Variants in DOCK6 observed in about 807,000 individuals in gnomAD.
DOCK6 encodes dedicator of cytokinesis protein 6.
A neutral mutation model predicts 230.3 loss-of-function variants in DOCK6; 167 were observed. The ratio of observed to expected loss-of-function variants is 0.73; its 90% confidence interval spans 0.64 to 0.82. The LOEUF is 0.82. Ranked by LOEUF, DOCK6 falls within the 40% of genes least tolerant of loss-of-function variation. DOCK6 has a pLI of 0.00. For synonymous variants in DOCK6, 1,148 were observed against 1,185.0 expected, an observed-to-expected ratio of 0.97 and a Z score of 0.64; for missense variants, 2,598 against 2,825.8, an observed-to-expected ratio of 0.92 and a Z score of 1.83.
intron 29 of DOCK6, 51 bp downstream of exon 29, chr19:11,217,180 T>A (rs1334269391): frequency 6.2e-7 from 1 of 1,600,064 alleles, no homozygotes; most frequent in South Asian, 1.1e-5. Context: ...GATACATGAC[T>A]TCTCTCATTC....
At chr19:11,216,030 C>T (rs938064522) in intron 30 of DOCK6, 103 bp from the exon 31 acceptor site, 1 of 1,473,108 alleles carries the variant, frequency 6.8e-7, no homozygotes, top group Non-Finnish European at 9.2e-7. Context: ...CCTCCGGGCC[C>T]CTGTGCTTAA....
In DOCK6 at chr19:11,252,985, C is replaced by T. The variant is rs781660174; in HGVS notation, c.133-27G>A. 1.1e-5 allele frequency: 17 copies of T among 1,582,616 alleles called. No individual in the cohort carries two copies. The Admixed American group carries it at 1.6e-4, about 15-fold the overall frequency. The stretch of plus-strand genomic sequence containing the variant: ...TGGATTGGAGCAAAGTGGCTGTGAT[C>T]GCACTACCTAGGAGGCTGAGAGTGG... On this transcript the variant is annotated intron_variant, in intron 2 of 47. Transcript: ENST00000294618.
rs112112005 is a variant in DOCK6, at chr19:11,227,530, A to C, written c.2815-53T>G. 6.2e-6 allele frequency: 9 copies of C among 1,447,040 alleles called. No individual in the cohort carries two copies. In the African/African-American group the frequency reaches 1.3e-4, roughly 21 times the overall value. 89.6% of individuals were successfully genotyped at this position (1,447,040 alleles called of 1,614,324 possible). The stretch of plus-strand genomic sequence containing the variant: ...TGGGATTTGAAGGGCTGTGGGTAGG[A>C]CTTGAAGGGCTGTGGGTGGGGCTTG... On this transcript the variant is annotated intron_variant, in intron 23 of 47. Transcript: ENST00000294618.
In DOCK6 at chr19:11,254,509, C is replaced by G. The variant is rs1422268334; in HGVS notation, c.45-783G>C. On this transcript the variant is annotated intron_variant, in intron 1 of 47. Coordinates refer to ENST00000294618, the MANE Select transcript of DOCK6 (RefSeq NM_020812.4). ...AGAAGTTCAAGAAGGTCCTGGCCAA[C>G]AAGGGGAAACCCTGCCTCTACTAAA... Among the ~76,000 whole-genome samples, 3 of 152,006 alleles carry G rather than the reference C, an allele frequency of 2.0e-5. No homozygotes were observed. The East Asian group carries it at 5.8e-4, about 29-fold the overall frequency.
chr19:11,217,213 A>ACAAGCCT lies in DOCK6; in HGVS notation c.3711+11_3711+17dup. 1 of 1,609,776 alleles carries ACAAGCCT rather than the reference A, an allele frequency of 6.2e-7. No homozygotes were observed. Among genetic ancestry groups the ACAAGCCT allele is most frequent in the Non-Finnish European group, 8.5e-7 (1 of 1,177,620 alleles). ...TTCAAAGTGGATGATGTCTATGGGG[A>ACAAGCCT]CAAGCCTCCCTACTCACCGTTGGTG... is the stretch of plus-strand genomic sequence containing the variant. On this transcript the variant is annotated intron_variant, in intron 29 of 47. Transcript: ENST00000294618.
In DOCK6 at chr19:11,201,558, C is replaced by T. The variant is rs562396081; in HGVS notation, c.5688+331G>A. ...GTCTCCATATCTTCTCAGCCCAGTTCTGGGGTACCTGGGCCTCTTCCTGGG... is the reference window on the plus strand; with the variant it reads ...GTCTCCATATCTTCTCAGCCCAGTTTTGGGGTACCTGGGCCTCTTCCTGGG... On this transcript the variant is annotated intron_variant, in intron 44 of 47. Transcript: ENST00000294618. This position sits in a 1 kb window ranked among gnomAD's most constrained non-coding sequence, Gnocchi z 4.3. Among the ~76,000 whole-genome samples the T allele has an allele frequency of 9.2e-5, 14 of 151,986 alleles. No homozygotes were observed. The highest frequency in any genetic ancestry group is 3.1e-4 in the African/African-American group (13 of 41,432).
At chr19:11,258,324 G>A (rs746019767) in intron 1 of DOCK6, among the ~76,000 whole-genome samples, 1 of 152,202 alleles carries the variant, frequency 6.6e-6, no homozygotes, top group Non-Finnish European at 1.5e-5. Flanking sequence ...GAGGGAGCCA[G>A]GAAGGTGGAG....
intron 1 of DOCK6, among the ~76,000 whole-genome samples, chr19:11,261,527 T>TC (rs1159677016): frequency 6.6e-6 from 1 of 151,956 alleles, no homozygotes; most frequent in Non-Finnish European, 1.5e-5. Flanking sequence ...TCAGGACAGG[T>TC]CCCCCGGGGA....
chr19:11,207,702 C>T (rs940744608), intron 39 of DOCK6, among the ~76,000 whole-genome samples: 60 of 151,220 alleles, frequency 4.0e-4, no homozygotes, highest in African/African-American at 1.4e-3. Flanking sequence ...TTGAAGCGGG[C>T]AGATCACTTG....
At position 11,222,288 on chromosome 19, in the gene DOCK6, GGGTCAGA is replaced by G. The variant is rs1416084846; in HGVS notation, c.3241-47_3241-41del. The G allele has an allele frequency of 6.4e-7, 1 of 1,568,302 alleles. No homozygotes were observed. Among genetic ancestry groups the G allele is most frequent in the Non-Finnish European group, 8.7e-7 (1 of 1,155,896 alleles). On this transcript the variant is annotated intron_variant, in intron 26 of 47. Transcript: ENST00000294618. This position sits in a 1 kb window ranked among gnomAD's most constrained non-coding sequence, Gnocchi z 4.0. Reference sequence around the variant, plus strand: ...AAAAATGGGGGATGCCAGCGGTCAAGGGTCAGAGGTGGCAGGTCACCATTAAAGCCAT... The same window carrying G: ...AAAAATGGGGGATGCCAGCGGTCAAGGGTGGCAGGTCACCATTAAAGCCAT...
chr19:11,209,463 C>T (rs1346566396), intron 37 of DOCK6, among the ~76,000 whole-genome samples: 2 of 151,492 alleles, frequency 1.3e-5, no homozygotes, highest in African/African-American at 4.9e-5. Context: ...TATCCCCTCA[C>T]CTGTCCACCC....
At position 11,223,040 on chromosome 19, in the gene DOCK6, C is replaced by A. The variant is rs546035167; in HGVS notation, c.3022G>T (p.Val1008Leu). The change falls in exon 25 of 48, where the codon GTG becomes TTG. Residue 1008 changes from valine (V) to leucine (L), a missense_variant. Transcript: ENST00000294618. ...AGGCTGAAGACAAAGCCCCGGTCCACCAGGGACAGAAGGTCACTGAGGAAG... is the reference window on the plus strand; with the variant it reads ...AGGCTGAAGACAAAGCCCCGGTCCAACAGGGACAGAAGGTCACTGAGGAAG... ...AFFLSDLLSL[V>L]DRGFVFSLVR... 1.9e-6 allele frequency: 3 copies of A among 1,613,754 alleles called. No homozygotes were observed. In the East Asian group the frequency reaches 6.7e-5, roughly 36 times the overall value.
intron 22 of DOCK6, among the ~76,000 whole-genome samples, chr19:11,232,861 T>C (rs1005309865): frequency 1.3e-5 from 2 of 148,448 alleles, no homozygotes; most frequent in South Asian, 4.3e-4. Context: ...CACCTGTGTA[T>C]GTATATGCAT....
chr19:11,238,005 C>G (rs1395535511), intron 16 of DOCK6, 40 bp downstream of exon 16: 13 of 1,609,382 alleles, frequency 8.1e-6, no homozygotes, highest in Non-Finnish European at 1.1e-5. Flanking sequence ...CTCCTACCCC[C>G]ATGAGTGCCC....
At chr19:11,244,553 C>T (rs1334791645) in intron 9 of DOCK6, among the ~76,000 whole-genome samples, 3 of 148,992 alleles carry the variant, frequency 2.0e-5, no homozygotes, top group African/African-American at 7.5e-5. Flanking sequence ...CTCTGCCTCC[C>T]GGGTTCAAGC....
At chr19:11,209,599 T>C (rs1476043378) in intron 37 of DOCK6, among the ~76,000 whole-genome samples, 1 of 110,088 alleles carries the variant, frequency 9.1e-6, no homozygotes, top group Non-Finnish European at 1.9e-5. Context: ...CACTTGTCTA[T>C]CCCCTCACCT....
Position 11,236,248 on chromosome 19 carries a change from C to T in DOCK6, c.2392+98G>A. On this transcript the variant is annotated intron_variant, in intron 20 of 47. Transcript: ENST00000294618. The surrounding 1 kb of genome is among the most constrained non-coding windows in gnomAD (Gnocchi z 5.2). The stretch of plus-strand genomic sequence containing the variant: ...GTCATTTTTCAGATGAGAAAAATGG[C>T]CAGAGAGGTAAATGGGCTTATAGAA... 1 of 1,173,158 alleles carries T rather than the reference C, an allele frequency of 8.5e-7. No individual in the cohort carries two copies. Among genetic ancestry groups the T allele is most frequent in the Non-Finnish European group, 1.2e-6 (1 of 843,770 alleles). The allele number at this position is 1,173,158 out of a possible 1,614,324, so 72.7% of individuals were successfully genotyped here. A position where few individuals can be genotyped will look rare whatever the true frequency, so the allele number is the denominator to read the frequency against.
chr19:11,213,822 G>A (rs1293505714), intron 34 of DOCK6, among the ~76,000 whole-genome samples: 74 of 148,204 alleles, frequency 5.0e-4, no homozygotes, highest in Non-Finnish European at 9.5e-4. Flanking sequence ...TTTGAGACAG[G>A]CTCTCACTGT....
intron 7 of DOCK6, chr19:11,247,355 G>A (rs562136951): frequency 9.9e-5 from 15 of 152,170 alleles, no homozygotes; most frequent in African/African-American, 3.6e-4. Context: ...TGGCTTCCCA[G>A]AGTATTAGGA....
Sources: gnomAD v4.1 joint callset for allele counts (sites outside exome capture counted in the v4.1 genomes callset) on GRCh38, gnomAD v4.1.1 for gene constraint, Gnocchi (gnomAD v3.1) non-coding constraint, MANE v1.5 for transcripts, NCBI Gene and HGNC (gene_info 2026-07-23, HGNC 2026-07-21) for gene names.